ZNF385B: variants seen among roughly 807,000 people sequenced by gnomAD.
ZNF385B encodes zinc finger protein 385B.
In ZNF385B, 23 loss-of-function variants were observed where a neutral mutation model predicts 39.2. The observed-to-expected ratio is 0.59, with a 90% CI of 0.42 to 0.83. The LOEUF (loss-of-function observed/expected upper bound fraction) is 0.83. Ranked by LOEUF, ZNF385B falls within the 40% of genes least tolerant of loss-of-function variation. The pLI, the probability that ZNF385B is intolerant of heterozygous loss-of-function variation, is 0.00. For missense variants in ZNF385B, 552 were observed against 598.9 expected, an observed-to-expected ratio of 0.92 and a Z score of 0.82; for synonymous variants, 205 against 222.6, an observed-to-expected ratio of 0.92 and a Z score of 0.70.
At chr2:179,799,369 T>C (rs1372125628) in intron 1 of ZNF385B, among the ~76,000 whole-genome samples, 1 of 152,056 alleles carries the variant, frequency 6.6e-6, no homozygotes, top group Non-Finnish European at 1.5e-5. Context: ...CTAGAGTCAG[T>C]GTTGTATTCC....
intron 1 of ZNF385B, among the ~76,000 whole-genome samples, chr2:179,825,865 G>A (rs557492257): frequency 6.6e-5 from 10 of 151,800 alleles, no homozygotes; most frequent in Non-Finnish European, 1.0e-4. Context: ...CACCATCTGC[G>A]AACCCCAACT....
intron 1 of ZNF385B, among the ~76,000 whole-genome samples, chr2:179,797,096 T>C (rs1274569917): frequency 1.3e-5 from 2 of 152,206 alleles, no homozygotes; most frequent in Non-Finnish European, 2.9e-5. Context: ...CTTCTTAATA[T>C]AATAACTGTT....
intron 3 of ZNF385B, among the ~76,000 whole-genome samples, chr2:179,661,856 T>C (rs1694517032): frequency 6.6e-6 from 1 of 152,224 alleles, no homozygotes; most frequent in South Asian, 2.1e-4. Context: ...AGTTGAGTGA[T>C]ATCATTTTTG....
chr2:179,466,478 T>C (rs1391496726), intron 6 of ZNF385B, among the ~76,000 whole-genome samples: 2 of 152,186 alleles, frequency 1.3e-5, no homozygotes, highest in Non-Finnish European at 2.9e-5. Flanking sequence ...CTTGAAACTA[T>C]AGGTATTCTG....
chr2:179,506,076 A>C (rs566322012), intron 5 of ZNF385B, among the ~76,000 whole-genome samples: 1 of 152,220 alleles, frequency 6.6e-6, no homozygotes, highest in South Asian at 2.1e-4. Context: ...GGAACTTCCA[A>C]TTCACAGTGA....
At chr2:179,595,710 T>A (rs904762471) in intron 3 of ZNF385B, among the ~76,000 whole-genome samples, 1 of 150,928 alleles carries the variant, frequency 6.6e-6, no homozygotes, top group African/African-American at 2.4e-5. Flanking sequence ...ACTACAATCT[T>A]GACCTCCTGG....
At chr2:179,694,351 C>CT (rs61002544) in intron 3 of ZNF385B, among the ~76,000 whole-genome samples, 48,051 of 141,840 alleles carry the variant, frequency 0.34, 8,011 homozygotes, top group Non-Finnish European at 0.38. Flanking sequence ...CTGCATTAAG[C>CT]TTTTTTTTTT....
At chr2:179,767,895 C>T (rs993741769) in intron 3 of ZNF385B, among the ~76,000 whole-genome samples, 20 of 148,878 alleles carry the variant, frequency 1.3e-4, no homozygotes, top group Admixed American at 1.1e-3. Context: ...CAGTTTTGAA[C>T]CTAACACTAA....
intron 3 of ZNF385B, among the ~76,000 whole-genome samples, chr2:179,742,287 T>A (rs1702130263): frequency 6.6e-6 from 1 of 152,038 alleles, no homozygotes; most frequent in African/African-American, 2.4e-5. Context: ...AACTGATCAC[T>A]TTTACAGGAA....
chr2:179,459,478 T>C (rs976794843), intron 6 of ZNF385B, among the ~76,000 whole-genome samples: 19 of 152,046 alleles, frequency 1.2e-4, no homozygotes, highest in African/African-American at 3.9e-4. Context: ...CAACTACTGA[T>C]TGAGCACCTA....
chr2:179,522,935 G>T, intron 4 of ZNF385B: 2 of 417,094 alleles, frequency 4.8e-6, no homozygotes, highest in Non-Finnish European at 9.8e-6. Flanking sequence ...AAAAGTAAAA[G>T]TTAGAAGCAG....
chr2:179,498,327 A>G (rs2056435204), intron 5 of ZNF385B, among the ~76,000 whole-genome samples: 1 of 152,030 alleles, frequency 6.6e-6, no homozygotes, highest in African/African-American at 2.4e-5. Flanking sequence ...AAGTCTACAT[A>G]TAGACCAAAT....
intron 6 of ZNF385B, among the ~76,000 whole-genome samples, chr2:179,472,994 G>A (rs550888966): frequency 6.6e-6 from 1 of 152,284 alleles, no homozygotes. Flanking sequence ...ATATTCTAGG[G>A]AGGGCACCAG....
At chr2:179,699,624 C>T (rs1474408509) in intron 3 of ZNF385B, among the ~76,000 whole-genome samples, 3 of 152,182 alleles carry the variant, frequency 2.0e-5, no homozygotes, top group Non-Finnish European at 4.4e-5. Flanking sequence ...TGGCTATAAA[C>T]AGTACATGAC....
chr2:179,725,857 T>C (rs1161699477), intron 3 of ZNF385B, among the ~76,000 whole-genome samples: 2 of 149,964 alleles, frequency 1.3e-5, no homozygotes, highest in Middle Eastern at 3.6e-3. Context: ...ACATATATCA[T>C]ATATCTCATA....
intron 3 of ZNF385B, among the ~76,000 whole-genome samples, chr2:179,637,828 T>C (rs540903338): frequency 5.3e-5 from 8 of 152,340 alleles, no homozygotes; most frequent in Non-Finnish European, 1.0e-4. Context: ...TTGAAAAAAC[T>C]CTTGATTTTA....
chr2:179,835,240 A>T (rs1708184601), intron 1 of ZNF385B, among the ~76,000 whole-genome samples: 1 of 152,258 alleles, frequency 6.6e-6, no homozygotes, highest in Non-Finnish European at 1.5e-5. Context: ...AAATGTGTAT[A>T]CAGAAAGAAA....
At chr2:179,696,326 C>CTTTTTGTTTTTT (rs1698745662) in intron 3 of ZNF385B, among the ~76,000 whole-genome samples, 1 of 40,354 alleles carries the variant, frequency 2.5e-5, no homozygotes, top group Non-Finnish European at 4.1e-5. Context: ...CAAACTGGGA[C>CTTTTTGTTTTTT]TTTTTTTTTT....
chr2:179,493,830 A>T (rs145841073), intron 5 of ZNF385B, among the ~76,000 whole-genome samples: 1,302 of 73,218 alleles, frequency 0.018, 21 homozygotes, highest in African/African-American at 0.054. Flanking sequence ...TAGCAGAGGG[A>T]GAAAAACATT....
Sources: gnomAD v4.1 joint callset for allele counts (sites outside exome capture counted in the v4.1 genomes callset) on GRCh38, gnomAD v4.1.1 for gene constraint, MANE v1.5 for transcripts, NCBI Gene and HGNC (gene_info 2026-07-23, HGNC 2026-07-21) for gene names.